Variants in AGBL2 observed in about 807,000 individuals in gnomAD.
AGBL2 encodes cytosolic carboxypeptidase 2.
A neutral mutation model predicts 103.0 loss-of-function variants in AGBL2; 87 were observed. The observed-to-expected ratio is 0.84, with a 90% CI of 0.71 to 1.01. AGBL2 has a LOEUF of 1.01. Among genes scored for constraint, AGBL2 ranks in the 50% least tolerant of loss-of-function variants. The pLI is 0.00. For missense variants in AGBL2, 904 were observed against 1,023.5 expected (o/e 0.88, Z 1.59); for synonymous variants, 335 against 356.7 (o/e 0.94, Z 0.69).
At chr11:47,692,037 A>G in intron 9 of AGBL2, 66 bp downstream of exon 9, 1 of 1,404,110 alleles carries the variant, frequency 7.1e-7, no homozygotes, top group Non-Finnish European at 9.6e-7. Flanking sequence ...TCTGATTCCT[A>G]ATATCATTAC....
intron 7 of AGBL2, among the ~76,000 whole-genome samples, chr11:47,701,833 G>A (rs866322370): frequency 6.6e-6 from 1 of 152,116 alleles, no homozygotes; most frequent in African/African-American, 2.4e-5. Context: ...AATGAGCAGA[G>A]TGTGGTGGCA....
intron 8 of AGBL2, among the ~76,000 whole-genome samples, chr11:47,695,015 T>C (rs2097461936): frequency 6.6e-6 from 1 of 151,688 alleles, no homozygotes; most frequent in Non-Finnish European, 1.5e-5. Context: ...CCAGGTGTGA[T>C]GGCGGGTGCC....
At chr11:47,700,511 G>A (rs1423484745) in intron 7 of AGBL2, among the ~76,000 whole-genome samples, 8 of 152,052 alleles carry the variant, frequency 5.3e-5, no homozygotes, top group African/African-American at 1.9e-4. Context: ...CCTGGGAGGC[G>A]GAGGTTGCAG....
intron 8 of AGBL2, 122 bp from the exon 9 acceptor site, chr11:47,692,378 C>T: frequency 3.2e-6 from 1 of 309,178 alleles, no homozygotes; most frequent in South Asian, 4.3e-5. Flanking sequence ...TTCTAATTTT[C>T]AACTATCTTT....
intron 17 of AGBL2, chr11:47,666,512 C>A (rs1474186689): frequency 1.2e-5 from 4 of 325,882 alleles, no homozygotes; most frequent in Admixed American, 4.8e-5. Flanking sequence ...ATACAATTTC[C>A]TACTTACTTG....
chr11:47,673,978 G>A (rs560721050), intron 14 of AGBL2, among the ~76,000 whole-genome samples: 9 of 151,576 alleles, frequency 5.9e-5, no homozygotes, highest in African/African-American at 2.2e-4. Flanking sequence ...TGTAATCCCA[G>A]CTAATCGAGA....
chr11:47,692,723 A>AT lies in AGBL2; in HGVS notation c.695-468dup, dbSNP rs1009968936. Among the ~76,000 whole-genome samples, 81 of 150,684 alleles carry AT rather than the reference A, an allele frequency of 5.4e-4. 1 individual carries two copies. The highest frequency in any genetic ancestry group is 1.8e-3 in the African/African-American group (76 of 41,136). ...CACCACGCCTGGCCATCCAACATCAATTTTTTTTTAAATGAATTATGCTTT... is the reference window on the plus strand; with the variant it reads ...CACCACGCCTGGCCATCCAACATCAATTTTTTTTTTAAATGAATTATGCTTT... On this transcript the variant is annotated intron_variant, in intron 8 of 18. Transcript: ENST00000525123.
intron 8 of AGBL2, among the ~76,000 whole-genome samples, chr11:47,697,246 A>T (rs1004140992): frequency 6.7e-6 from 1 of 149,160 alleles, no homozygotes; most frequent in Non-Finnish European, 1.5e-5. Flanking sequence ...GATGATGATG[A>T]TGATTTTTTG....
Position 47,705,693 on chromosome 11 carries a change from G to GA in AGBL2, c.287-60dup, listed in dbSNP as rs1565089629. ...AAGAAGAAAGGGAATGAGGAAAAAA[G>GA]AAAAAAATGGAAATGAAAGGGGGAA... is the stretch of plus-strand genomic sequence containing the variant. On this transcript the variant is annotated intron_variant, in intron 5 of 18. Coordinates refer to ENST00000525123, the MANE Select transcript of AGBL2 (RefSeq NM_024783.4). 5.0e-6 allele frequency: 3 copies of GA among 602,050 alleles called. No individual in the cohort carries two copies. The South Asian group carries it at 6.5e-5, about 13-fold the overall frequency. The allele number at this position is 602,050 out of a possible 1,614,324, so 37.3% of individuals were successfully genotyped here. A position where few individuals can be genotyped will look rare whatever the true frequency, so the allele number is the denominator to read the frequency against.
intron 10 of AGBL2, among the ~76,000 whole-genome samples, chr11:47,687,375 T>G (rs1349723192): frequency 6.6e-6 from 1 of 151,990 alleles, no homozygotes; most frequent in Non-Finnish European, 1.5e-5. Flanking sequence ...AAAATATAGC[T>G]CTCTACTAAA....
chr11:47,675,946 C>T (rs1467994221), intron 14 of AGBL2, among the ~76,000 whole-genome samples: 1 of 151,952 alleles, frequency 6.6e-6, no homozygotes, highest in Non-Finnish European at 1.5e-5. Context: ...GTTGAGGATG[C>T]AGTGAGCAGA....
rs1170699541 is a variant in AGBL2, at chr11:47,664,331, T to TA, written c.2449-1220dup. Reference sequence around the variant, plus strand: ...GCAGGATCACAGCTCACTGTAACCTTAAACTCCTGGACTCAAGTGATTCTC... The same window carrying TA: ...GCAGGATCACAGCTCACTGTAACCTTAAAACTCCTGGACTCAAGTGATTCTC... On this transcript the variant is annotated intron_variant, in intron 17 of 18. Coordinates refer to ENST00000525123, the MANE Select transcript of AGBL2 (RefSeq NM_024783.4). Among the ~76,000 whole-genome samples, 9 of 151,920 alleles carry TA rather than the reference T, an allele frequency of 5.9e-5. No individual in the cohort carries two copies. In the East Asian group the frequency reaches 1.6e-3, roughly 26 times the overall value.
intron 12 of AGBL2, among the ~76,000 whole-genome samples, 182 bp downstream of exon 12, chr11:47,681,787 C>T (rs546164547): frequency 2.6e-5 from 4 of 152,324 alleles, no homozygotes; most frequent in African/African-American, 7.2e-5. Flanking sequence ...ACCACTATGC[C>T]ATACTGCCTC....
At chr11:47,699,747 CTT>C (rs1373315908) in intron 7 of AGBL2, among the ~76,000 whole-genome samples, 194 bp from the exon 8 acceptor site, 2 of 152,058 alleles carry the variant, frequency 1.3e-5, no homozygotes, top group Non-Finnish European at 2.9e-5. Context: ...TATGAGGACA[CTT>C]TTAACAAAGA....
Position 47,685,885 on chromosome 11 carries a change from G to A in AGBL2, c.1788+8C>T, listed in dbSNP as rs2097421577. Reference sequence around the variant, plus strand: ...CTCAATGGAGAGAAAATTACATTATGTGCTTACCTTATCTGGTGCATTTTT... The same window carrying A: ...CTCAATGGAGAGAAAATTACATTATATGCTTACCTTATCTGGTGCATTTTT... On this transcript the variant is annotated splice_region_variant and intron_variant, in intron 11 of 18. Transcript: ENST00000525123. The A allele has an allele frequency of 3.1e-6, 5 of 1,613,220 alleles. No individual in the cohort carries two copies. In the South Asian group the frequency reaches 5.5e-5, roughly 18 times the overall value.
intron 8 of AGBL2, among the ~76,000 whole-genome samples, chr11:47,693,196 C>T (rs1371940923): frequency 1.3e-5 from 2 of 151,890 alleles, no homozygotes; most frequent in Admixed American, 6.6e-5. Context: ...CAGGGTCTTG[C>T]TCTGTCACCC....
chr11:47,678,335 A>ATTTTTTTTTTTTTTTTTTTTTTTTT (rs771416947), intron 13 of AGBL2, among the ~76,000 whole-genome samples: 5 of 67,816 alleles, frequency 7.4e-5, no homozygotes, highest in Non-Finnish European at 1.3e-4. Flanking sequence ...ATTTTATTTT[A>ATTTTTTTTTTTTTTTTTTTTTTTTT]TTATTTTATT....
chr11:47,681,039 G>C (rs897442497), intron 12 of AGBL2, among the ~76,000 whole-genome samples: 12 of 151,978 alleles, frequency 7.9e-5, no homozygotes, highest in African/African-American at 2.9e-4. Flanking sequence ...TGCAGTAAAA[G>C]GAAAATGAGG....
At chr11:47,706,813 C>T (rs567030263) in intron 4 of AGBL2, among the ~76,000 whole-genome samples, 1 of 146,980 alleles carries the variant, frequency 6.8e-6, no homozygotes, top group South Asian at 2.1e-4. Flanking sequence ...CTTTGGGAGG[C>T]CAAGGCAGGC....
Sources: allele counts gnomAD v4.1 joint callset (sites outside exome capture counted in the v4.1 genomes callset), GRCh38; gene constraint gnomAD v4.1.1; transcripts MANE v1.5; gene names NCBI Gene and HGNC (gene_info 2026-07-23, HGNC 2026-07-21).